Variants in UGT1A7 observed in about 807,000 individuals in gnomAD.
UGT1A7 encodes UDP-glucuronosyltransferase 1A7.
A neutral mutation model predicts 45.6 loss-of-function variants in UGT1A7; 33 were observed. That is an observed-to-expected ratio of 0.72 (90% CI 0.55 to 0.97). UGT1A7 has a LOEUF of 0.97. Among genes scored for constraint, UGT1A7 ranks in the 50% least tolerant of loss-of-function variants. UGT1A7 has a pLI of 0.00. For missense variants in UGT1A7, 684 were observed against 666.2 expected (o/e 1.03, Z -0.29); for synonymous variants, 274 against 250.6 (o/e 1.09, Z -0.88).
At chr2:233,770,057 T>C (rs1700010876) in intron 4 of UGT1A7, 1 of 154,188 alleles carries the variant, frequency 6.5e-6, no homozygotes, top group Admixed American at 6.5e-5. Context: ...GCTCACATTA[T>C]GGATATAATT....
In UGT1A7 at chr2:233,682,021, G is replaced by A. The variant is rs1175054250; in HGVS notation, c.84G>A (p.Leu28=). The change falls in exon 1 of 5, where the codon CTG becomes CTA. Residue 28 remains leucine, a synonymous_variant. Transcript: ENST00000373426. ...GTGGCTTTGCCAAGGCAGGGAAGCTGCTGGTAGTGCCCATGGATGGGAGCC... is the reference window on the plus strand; with the variant it reads ...GTGGCTTTGCCAAGGCAGGGAAGCTACTGGTAGTGCCCATGGATGGGAGCC... ...LTCGFAKAGK[L]LVVPMDGSHW... is the part of the protein sequence containing the mutation. 23 of 1,614,032 alleles carry A rather than the reference G, an allele frequency of 1.4e-5. No individual in the cohort carries two copies. Among genetic ancestry groups the A allele is most frequent in the Non-Finnish European group, 1.9e-5 (22 of 1,180,032 alleles).
chr2:233,766,905 T>C, intron 1 of UGT1A7, 129 bp from the exon 2 acceptor site: 15 of 1,501,130 alleles, frequency 1.0e-5, no homozygotes, highest in Non-Finnish European at 1.2e-5. Flanking sequence ...AATAATTTTT[T>C]ACTCTATCTC....
intron 1 of UGT1A7, among the ~76,000 whole-genome samples, chr2:233,738,788 G>T (rs1333447117): frequency 6.6e-6 from 1 of 152,238 alleles, no homozygotes; most frequent in Admixed American, 6.5e-5. Flanking sequence ...ATTCAAGCCA[G>T]ATGCAGAAAT....
chr2:233,767,749 G>A (rs1699471404), intron 2 of UGT1A7, 100 bp from the exon 3 acceptor site: 1 of 1,594,036 alleles, frequency 6.3e-7, no homozygotes, highest in African/African-American at 1.3e-5. Context: ...GTTAAAGACT[G>A]TTCCTTCAGA....
intron 1 of UGT1A7, chr2:233,747,357 C>A (rs115834808): frequency 9.4e-6 from 15 of 1,602,522 alleles, no homozygotes; most frequent in East Asian, 2.2e-5. Context: ...GGAGGCCGTG[C>A]GGGAGCTCCA....
At chr2:233,761,102 T>C (rs1487885628) in intron 1 of UGT1A7, 1 of 1,614,116 alleles carries the variant, frequency 6.2e-7, no homozygotes, top group Admixed American at 1.7e-5. Context: ...ATGCCCAATA[T>C]GGTTTTTGTT....
chr2:233,739,826 A>G (rs989260193), intron 1 of UGT1A7, among the ~76,000 whole-genome samples: 6 of 152,024 alleles, frequency 3.9e-5, no homozygotes, highest in African/African-American at 1.2e-4. Context: ...TTAAATGTGA[A>G]AAGACATGAG....
intron 1 of UGT1A7, among the ~76,000 whole-genome samples, chr2:233,751,824 C>T (rs377308595): frequency 8.3e-4 from 127 of 152,144 alleles, no homozygotes; most frequent in African/African-American, 2.9e-3. Context: ...GCCTCCCCAG[C>T]CATGTGGAAC....
In UGT1A7 at chr2:233,772,332, G is replaced by A. The variant is rs1201825340; in HGVS notation, c.1366G>A (p.Val456Met). 10 of 1,614,084 alleles carry A rather than the reference G, an allele frequency of 6.2e-6. No individual in the cohort carries two copies. Among genetic ancestry groups the A allele is most frequent in the East Asian group, 2.2e-5 (1 of 44,892 alleles). ...DRPVEPLDLAVFWVEFVMRHK... is the reference protein window; with the variant it reads ...DRPVEPLDLAMFWVEFVMRHK... ...CCCGGTGGAGCCGCTGGACCTGGCC[G>A]TGTTCTGGGTGGAGTTTGTGATGAG... The change falls in exon 5 of 5, where the codon GTG becomes ATG. Residue 456 changes from valine (V) to methionine (M), a missense_variant. Physicochemically the swap from Val to Met is conservative, Grantham distance 21 (BLOSUM62 1). Transcript: ENST00000373426.
intron 1 of UGT1A7, among the ~76,000 whole-genome samples, chr2:233,707,432 T>G (rs1189246042): frequency 6.6e-6 from 1 of 152,200 alleles, no homozygotes; most frequent in African/African-American, 2.4e-5. Context: ...TCTTTGCTTT[T>G]CTTTACAATT....
chr2:233,747,538 C>A lies in UGT1A7; in HGVS notation c.856-19496C>A. The stretch of plus-strand genomic sequence containing the variant: ...TTTGAAACAGAACATTTTCTGAAGA[C>A]ATTTTCTAAAAGTATGGCAATTTTG... On this transcript the variant is annotated intron_variant, in intron 1 of 4. Transcript: ENST00000373426. The A allele has an allele frequency of 3.7e-6, 6 of 1,604,366 alleles. No individual in the cohort carries two copies. The East Asian group carries it at 8.9e-5, about 24-fold the overall frequency.
chr2:233,701,917 A>C (rs1244253479), intron 1 of UGT1A7, among the ~76,000 whole-genome samples: 3 of 152,188 alleles, frequency 2.0e-5, no homozygotes, highest in South Asian at 2.1e-4. Flanking sequence ...TGACACCCTA[A>C]CATCACAATT....
chr2:233,695,130 C>CTTTCTTTTTTTT (rs1364557158), intron 1 of UGT1A7, among the ~76,000 whole-genome samples: 3 of 138,838 alleles, frequency 2.2e-5, no homozygotes, highest in Admixed American at 7.1e-5. Flanking sequence ...CTTTTCTTTT[C>CTTTCTTTTTTTT]TTTTTTTTTT....
rs6735370 is a variant in UGT1A7 at position 233,743,982 on chromosome 2, C to A, written c.856-23052C>A. 7.7e-6 allele frequency: 10 copies of A among 1,297,000 alleles called. 1 individual carries two copies. The highest frequency in any genetic ancestry group is 4.6e-5 in the African/African-American group (3 of 65,422). The allele number at this position is 1,297,000 out of a possible 1,614,324, so 80.3% of individuals were successfully genotyped here. The stretch of plus-strand genomic sequence containing the variant: ...AGCGGCAAGGCTGCCAGCACCCAGG[C>A]GCAGGCCCGAGTGCTCGGAGACCTG... On this transcript the variant is annotated intron_variant, in intron 1 of 4. Transcript: ENST00000373426.
At chr2:233,727,361 G>A (rs2077609181) in intron 1 of UGT1A7, among the ~76,000 whole-genome samples, 1 of 152,128 alleles carries the variant, frequency 6.6e-6, no homozygotes, top group Admixed American at 6.5e-5. Flanking sequence ...TATCCTTAGG[G>A]CCCCTAGGTC....
chr2:233,725,057 C>T (rs1209231794), intron 1 of UGT1A7, among the ~76,000 whole-genome samples: 5 of 147,514 alleles, frequency 3.4e-5, no homozygotes, highest in East Asian at 4.2e-4. Flanking sequence ...CGTGGCGGCG[C>T]GCGCCTGCAA....
At chr2:233,731,751 G>A (rs1484667687) in intron 1 of UGT1A7, among the ~76,000 whole-genome samples, 2 of 152,152 alleles carry the variant, frequency 1.3e-5, no homozygotes, top group Non-Finnish European at 2.9e-5. Context: ...ACATACGTGT[G>A]CATGTGTCCT....
intron 1 of UGT1A7, chr2:233,691,335 G>C (rs1447452223): frequency 1.0e-6 from 1 of 985,562 alleles, no homozygotes; most frequent in Non-Finnish European, 1.2e-6. Flanking sequence ...GGACTGAGCT[G>C]AGTCTTCGCA....
At chr2:233,737,246 C>G (rs535872842) in intron 1 of UGT1A7, among the ~76,000 whole-genome samples, 2 of 152,238 alleles carry the variant, frequency 1.3e-5, no homozygotes, top group Non-Finnish European at 2.9e-5. Flanking sequence ...TGTTTACCTA[C>G]TCAAGCCTCA....
Sources: gnomAD v4.1 joint callset for allele counts (sites outside exome capture counted in the v4.1 genomes callset) on GRCh38, gnomAD v4.1.1 for gene constraint, MANE v1.5 for transcripts, NCBI Gene and HGNC (gene_info 2026-07-23, HGNC 2026-07-21) for gene names.